The following SLCO6A1 variants were observed in gnomAD, a reference collection of about 807,000 sequenced individuals.
The protein encoded by SLCO6A1 is cancer/testis antigen 48.
SLCO6A1 carries 65 observed loss-of-function variants against 72.7 expected under a neutral mutation model. The observed-to-expected ratio is 0.89, with a 90% CI of 0.73 to 1.10. SLCO6A1 has a LOEUF of 1.10. Among genes scored for constraint, SLCO6A1 ranks in the 50% least tolerant of loss-of-function variants. The pLI is 0.00. For synonymous variants in SLCO6A1, 314 were observed against 298.2 expected, an observed-to-expected ratio of 1.05 and a Z score of -0.55; for missense variants, 874 against 872.6, an observed-to-expected ratio of 1.00 and a Z score of -0.02.
In SLCO6A1 at chr5:102,407,393, C is replaced by A. The variant is rs150092571; in HGVS notation, c.1626+5597G>T. On this transcript the variant is annotated intron_variant, in intron 9 of 13. Transcript: ENST00000506729. ...GGGTACTGCTGCACAAGGAGCAATACCTCTCTGCTGCTACTGTATACCAGT... is the reference window on the plus strand; with the variant it reads ...GGGTACTGCTGCACAAGGAGCAATAACTCTCTGCTGCTACTGTATACCAGT... Among the ~76,000 whole-genome samples the A allele has an allele frequency of 1.4e-4, 21 of 152,288 alleles. No homozygotes were observed. In the East Asian group the frequency reaches 3.9e-3, roughly 28 times the overall value.
At chr5:102,461,029 TAGTC>T (rs898552002) in intron 4 of SLCO6A1, among the ~76,000 whole-genome samples, 13 of 150,306 alleles carry the variant, frequency 8.6e-5, no homozygotes, top group African/African-American at 3.2e-4. Flanking sequence ...TTGATTATAA[TAGTC>T]AGGAGTTTTT....
At chr5:102,381,500 A>G (rs1357398802) in intron 12 of SLCO6A1, among the ~76,000 whole-genome samples, 1 of 151,730 alleles carries the variant, frequency 6.6e-6, no homozygotes, top group Non-Finnish European at 1.5e-5. Context: ...GGTTATTTCC[A>G]TACCTTGACT....
In SLCO6A1 at chr5:102,436,834, T is replaced by C. The variant is rs529077446; in HGVS notation, c.1276+1783A>G. Among the ~76,000 whole-genome samples, 3 of 152,332 alleles carry C rather than the reference T, an allele frequency of 2.0e-5. No homozygotes were observed. In the East Asian group the frequency reaches 5.8e-4, roughly 29 times the overall value. ...CAAAGTCCTAACTTACAGCAATCTT[T>C]TGACTTTGTGAACTTATATTCTCAT... On this transcript the variant is annotated intron_variant, in intron 7 of 13. Transcript: ENST00000506729.
chr5:102,498,605 T>C lies in SLCO6A1; in HGVS notation c.240A>G (p.Glu80=). 1.2e-6 allele frequency: 2 copies of C among 1,614,254 alleles called. No individual in the cohort carries two copies. Among genetic ancestry groups the C allele is most frequent in the Non-Finnish European group, 1.7e-6 (2 of 1,180,046 alleles). ...AGGGCTGCTCCAAACTGTCATCCAC[T>C]TCTCCCGGCTTCTTGGAAACTGAGG... is the stretch of plus-strand genomic sequence containing the variant. ...AKSSVSKKPG[E]VDDSLEQPCG... is the part of the protein sequence containing the mutation. Residue 80 remains glutamate (E), a synonymous_variant, in exon 1 of 14, where the codon GAA becomes GAG. Coordinates refer to ENST00000506729, the MANE Select transcript of SLCO6A1 (RefSeq NM_173488.5).
intron 9 of SLCO6A1, among the ~76,000 whole-genome samples, chr5:102,410,792 G>C (rs748500039): frequency 6.6e-6 from 1 of 152,012 alleles, no homozygotes; most frequent in Non-Finnish European, 1.5e-5. Flanking sequence ...ACATATATTC[G>C]AGTCACATGT....
At chr5:102,455,027 T>TACATAA (rs144619414) in intron 6 of SLCO6A1, among the ~76,000 whole-genome samples, 28,969 of 141,694 alleles carry the variant, frequency 0.2, 3,513 homozygotes, top group Middle Eastern at 0.25. Flanking sequence ...TATATATATA[T>TACATAA]AAATTATGTT....
At chr5:102,457,279 C>G (rs7720648) in intron 6 of SLCO6A1, among the ~76,000 whole-genome samples, 96,292 of 150,874 alleles carry the variant, frequency 0.64, 30,948 homozygotes, top group African/African-American at 0.66. Flanking sequence ...AAGAGCTTCT[C>G]CACAGCAAAA....
At chr5:102,396,198 T>A (rs9327853) in intron 10 of SLCO6A1, among the ~76,000 whole-genome samples, 2 of 151,792 alleles carry the variant, frequency 1.3e-5, no homozygotes, top group African/African-American at 4.8e-5. Context: ...GTGTTTAATC[T>A]ATCTTGAATT....
chr5:102,481,342 A>T (rs999204233), intron 1 of SLCO6A1, among the ~76,000 whole-genome samples: 1 of 152,166 alleles, frequency 6.6e-6, no homozygotes, highest in Non-Finnish European at 1.5e-5. Context: ...TATAGTGCTG[A>T]TAGCATCACA....
intron 4 of SLCO6A1, among the ~76,000 whole-genome samples, chr5:102,465,426 C>T (rs1483560954): frequency 6.6e-6 from 1 of 151,982 alleles, no homozygotes; most frequent in Non-Finnish European, 1.5e-5. Context: ...ATATAATGAA[C>T]ACTTTATTGT....
At chr5:102,426,434 C>T (rs1724960281) in intron 7 of SLCO6A1, among the ~76,000 whole-genome samples, 1 of 150,604 alleles carries the variant, frequency 6.6e-6, no homozygotes, top group African/African-American at 2.4e-5. Flanking sequence ...AAAAAACAAA[C>T]AACCCCATCA....
chr5:102,457,279 C>T (rs7720648), intron 6 of SLCO6A1, among the ~76,000 whole-genome samples: 1 of 151,152 alleles, frequency 6.6e-6, no homozygotes, highest in East Asian at 2.0e-4. Context: ...AAGAGCTTCT[C>T]CACAGCAAAA....
chr5:102,388,664 A>C (rs1561419657), intron 12 of SLCO6A1, 24 bp downstream of exon 12: 1 of 1,447,896 alleles, frequency 6.9e-7, no homozygotes, highest in East Asian at 2.4e-5. Flanking sequence ...TATTTCTCTA[A>C]GTTTTTTAAT....
intron 10 of SLCO6A1, among the ~76,000 whole-genome samples, chr5:102,394,755 G>C (rs1031597226): frequency 6.6e-6 from 1 of 151,824 alleles, no homozygotes; most frequent in African/African-American, 2.4e-5. Flanking sequence ...TGTGATGAAA[G>C]GATAAAATAT....
rs939026709 is a variant in SLCO6A1, at chr5:102,398,988, G to GA, written c.1814+566dup. ...CCTTAAAGTTTTTTGTTAGCGTCTT[G>GA]AAAAAAAAAATTGAAAATAACAAAA... On this transcript the variant is annotated intron_variant, in intron 10 of 13. Transcript: ENST00000506729. 1.6e-4 allele frequency among the ~76,000 whole-genome samples: 24 copies of GA among 146,782 alleles called. No individual in the cohort carries two copies. The South Asian group carries it at 1.7e-3, about 10-fold the overall frequency.
chr5:102,425,152 C>T (rs1233092182), intron 7 of SLCO6A1, among the ~76,000 whole-genome samples: 1 of 152,158 alleles, frequency 6.6e-6, no homozygotes, highest in South Asian at 2.1e-4. Flanking sequence ...GATAAACCCA[C>T]AGCTAATATC....
chr5:102,422,102 A>C (rs1748639931), intron 7 of SLCO6A1, among the ~76,000 whole-genome samples: 1 of 152,216 alleles, frequency 6.6e-6, no homozygotes, highest in Non-Finnish European at 1.5e-5. Flanking sequence ...TGCCCATGCA[A>C]AAACCCCATC....
At chr5:102,431,058 C>A (rs1377332090) in intron 7 of SLCO6A1, among the ~76,000 whole-genome samples, 1 of 151,906 alleles carries the variant, frequency 6.6e-6, no homozygotes, top group African/African-American at 2.4e-5. Context: ...TTCATTTTTT[C>A]TAGATTTTCT....
chr5:102,415,424 C>A (rs1748228805), intron 8 of SLCO6A1, among the ~76,000 whole-genome samples: 1 of 152,086 alleles, frequency 6.6e-6, no homozygotes, highest in African/African-American at 2.4e-5. Flanking sequence ...GCCAACTGAT[C>A]TTTGACAAAG....
Sources: allele counts gnomAD v4.1 joint callset (sites outside exome capture counted in the v4.1 genomes callset), GRCh38; gene constraint gnomAD v4.1.1; transcripts MANE v1.5; gene names NCBI Gene and HGNC (gene_info 2026-07-23, HGNC 2026-07-21).